TMEM108: variants seen among roughly 807,000 people sequenced by gnomAD.
TMEM108 encodes cancer/testis antigen 124.
TMEM108 carries 12 observed loss-of-function variants against 35.1 expected under a neutral mutation model. The observed-to-expected ratio is 0.34, with a 90% CI of 0.22 to 0.55. The LOEUF is 0.55. Among genes scored for constraint, TMEM108 ranks in the 20% least tolerant of loss-of-function variants. TMEM108 has a pLI of 0.89. For synonymous variants in TMEM108, 287 were observed against 308.6 expected (o/e 0.93, Z 0.73); for missense variants, 680 against 753.3 (o/e 0.90, Z 1.14).
At chr3:133,254,606 A>T in intron 3 of TMEM108, among the ~76,000 whole-genome samples, 1 of 152,222 alleles carries the variant, frequency 6.6e-6, no homozygotes, top group East Asian at 1.9e-4. Flanking sequence ...AAGACTCAGC[A>T]AAAGGGAGAG....
At chr3:133,161,916 C>T (rs1944967139) in intron 2 of TMEM108, among the ~76,000 whole-genome samples, 1 of 152,092 alleles carries the variant, frequency 6.6e-6, no homozygotes, top group Admixed American at 6.6e-5. Context: ...GTTTTTGGCC[C>T]CAGTTTCTAA....
At chr3:133,183,701 C>G (rs935773123) in intron 2 of TMEM108, among the ~76,000 whole-genome samples, 1 of 152,168 alleles carries the variant, frequency 6.6e-6, no homozygotes, top group Non-Finnish European at 1.5e-5. Context: ...ACCCTACATT[C>G]TTGTTGAGGC....
At chr3:133,384,127 G>T (rs2073084012) in intron 4 of TMEM108, among the ~76,000 whole-genome samples, 1 of 152,276 alleles carries the variant, frequency 6.6e-6, no homozygotes, top group East Asian at 1.9e-4. Context: ...ACGTCTAAGG[G>T]CCCCTTGTTT....
At chr3:133,079,072 T>A (rs1346463857) in intron 2 of TMEM108, among the ~76,000 whole-genome samples, 1 of 152,200 alleles carries the variant, frequency 6.6e-6, no homozygotes, top group African/African-American at 2.4e-5. Context: ...GGTATATAAT[T>A]AGGTTCTAGA....
intron 2 of TMEM108, among the ~76,000 whole-genome samples, chr3:133,163,704 A>G (rs1944994504): frequency 6.6e-6 from 1 of 152,142 alleles, no homozygotes; most frequent in African/African-American, 2.4e-5. Flanking sequence ...GAGAGGGAGG[A>G]TATTTTAGAC....
intron 3 of TMEM108, among the ~76,000 whole-genome samples, chr3:133,230,403 C>G (rs1050469132): frequency 2.0e-5 from 3 of 152,184 alleles, no homozygotes; most frequent in Non-Finnish European, 4.4e-5. Context: ...CCTGTTTCAG[C>G]CTGGTGGAAA....
chr3:133,245,710 A>G (rs1157936461), intron 3 of TMEM108, among the ~76,000 whole-genome samples: 3 of 152,228 alleles, frequency 2.0e-5, no homozygotes, highest in African/African-American at 7.2e-5. Context: ...CAGGTTTCTC[A>G]AGTGGTCCAT....
At position 133,379,578 on chromosome 3, in the gene TMEM108, C is replaced by A. The variant is rs147317435; in HGVS notation, c.41-174C>A. 65 of 667,034 alleles carry A rather than the reference C, an allele frequency of 9.7e-5. No individual in the cohort carries two copies. The African/African-American group carries it at 1.0e-3, about 10-fold the overall frequency. 41.3% of individuals were successfully genotyped at this position (667,034 alleles called of 1,614,324 possible). A position where few individuals can be genotyped will look rare whatever the true frequency, so the allele number is the denominator to read the frequency against. On this transcript the variant is annotated intron_variant, in intron 3 of 5. Coordinates refer to ENST00000321871, the MANE Select transcript of TMEM108 (RefSeq NM_023943.4). ...TACCAGGCAGCACCTACCTAATAGA[C>A]CTGCCCCAGCTCCACAGACAGTTCT...
At chr3:133,351,490 T>C (rs2107770772) in intron 3 of TMEM108, among the ~76,000 whole-genome samples, 1 of 152,228 alleles carries the variant, frequency 6.6e-6, no homozygotes, top group South Asian at 2.1e-4. Context: ...ACAGGCTTTT[T>C]CTGGAGGCCC....
chr3:133,381,264 C>T (rs1211513462), intron 4 of TMEM108, 103 bp downstream of exon 4: 12 of 1,250,714 alleles, frequency 9.6e-6, no homozygotes, highest in Non-Finnish European at 1.3e-5. Context: ...AAGTGGGCTA[C>T]AAAAATTCCC....
chr3:133,265,027 A>G (rs1946677220), intron 3 of TMEM108, among the ~76,000 whole-genome samples: 1 of 152,236 alleles, frequency 6.6e-6, no homozygotes, highest in Admixed American at 6.5e-5. Context: ...GGGCACCAGC[A>G]CTCACCACAG....
intron 2 of TMEM108, among the ~76,000 whole-genome samples, chr3:133,137,116 G>C (rs1264967326): frequency 6.6e-6 from 1 of 152,174 alleles, no homozygotes; most frequent in African/African-American, 2.4e-5. Flanking sequence ...ACCTGTCTCT[G>C]GTTGGCATCA....
Position 133,396,027 on chromosome 3 carries a change from C to T in TMEM108, c.*41C>T. 1 of 1,458,166 alleles carries T rather than the reference C, an allele frequency of 6.9e-7. No homozygotes were observed. Among genetic ancestry groups the T allele is most frequent in the Non-Finnish European group, 9.1e-7 (1 of 1,099,070 alleles). The allele number at this position is 1,458,166 out of a possible 1,614,324, so 90.3% of individuals were successfully genotyped here. ...CTTTGCCATTCCGTATTTTTCGTCT[C>T]TAAATTATAAATATACAAATACATA... On this transcript the variant is annotated 3_prime_UTR_variant, in exon 6 of 6. Transcript: ENST00000321871.
intron 2 of TMEM108, among the ~76,000 whole-genome samples, chr3:133,108,244 G>A (rs923310036): frequency 1.3e-5 from 2 of 151,908 alleles, no homozygotes; most frequent in Non-Finnish European, 2.9e-5. Context: ...AAAAAAAGTT[G>A]TTCGTTCCTA....
At chr3:133,212,390 A>G (rs976713495) in intron 2 of TMEM108, among the ~76,000 whole-genome samples, 2 of 152,180 alleles carry the variant, frequency 1.3e-5, no homozygotes, top group Non-Finnish European at 1.5e-5. Context: ...TCAAAAAACC[A>G]CTATTCCCAT....
chr3:133,338,451 C>T (rs575322248), intron 3 of TMEM108, among the ~76,000 whole-genome samples: 1 of 152,158 alleles, frequency 6.6e-6, no homozygotes, highest in South Asian at 2.1e-4. Context: ...ATAGTGTATC[C>T]AGTGAAAATA....
chr3:133,174,521 A>G (rs1945181473), intron 2 of TMEM108, among the ~76,000 whole-genome samples: 1 of 152,180 alleles, frequency 6.6e-6, no homozygotes, highest in Non-Finnish European at 1.5e-5. Context: ...CTGTTCAACA[A>G]TATCCGCTGT....
At chr3:133,278,470 C>T (rs1946867450) in intron 3 of TMEM108, among the ~76,000 whole-genome samples, 1 of 152,158 alleles carries the variant, frequency 6.6e-6, no homozygotes, top group South Asian at 2.1e-4. Flanking sequence ...CATGCTAACA[C>T]CATTATGTGA....
chr3:133,050,333 A>G (rs1182655131), intron 2 of TMEM108, among the ~76,000 whole-genome samples: 1 of 151,982 alleles, frequency 6.6e-6, no homozygotes, highest in Non-Finnish European at 1.5e-5. Flanking sequence ...AAAATAGTTT[A>G]TTCACTCATT....
Sources: gnomAD v4.1 joint callset for allele counts (sites outside exome capture counted in the v4.1 genomes callset) on GRCh38, gnomAD v4.1.1 for gene constraint, MANE v1.5 for transcripts, NCBI Gene and HGNC (gene_info 2026-07-23, HGNC 2026-07-21) for gene names.